Variants in ADAM10 observed in about 807,000 individuals in gnomAD.
ADAM10 encodes the protein disintegrin and metalloproteinase domain-containing protein 10.
ADAM10 carries 17 observed loss-of-function variants against 90.1 expected under a neutral mutation model. The observed-to-expected ratio is 0.19, with a 90% CI of 0.13 to 0.28. ADAM10 has a LOEUF of 0.28. ADAM10 is among the 10% of genes least tolerant of loss of function. The probability of loss-of-function intolerance (pLI) is 1.00; values close to 1 mark genes in which losing one functional copy is unlikely to be tolerated. For synonymous variants in ADAM10, 310 were observed against 298.6 expected, an observed-to-expected ratio of 1.04 and a Z score of -0.40; for missense variants, 610 against 914.3, an observed-to-expected ratio of 0.67 and a Z score of 4.29.
chr15:58,685,998 T>A (rs1410857728), intron 2 of ADAM10, among the ~76,000 whole-genome samples: 1 of 152,106 alleles, frequency 6.6e-6, no homozygotes, highest in African/African-American at 2.4e-5. Flanking sequence ...TTCAGTTACA[T>A]AAATGAAACA....
intron 1 of ADAM10, among the ~76,000 whole-genome samples, chr15:58,744,628 C>A (rs1322335715): frequency 6.6e-6 from 1 of 152,192 alleles, no homozygotes; most frequent in Non-Finnish European, 1.5e-5. Context: ...AAACTTCAAT[C>A]ATGTAAGGTT....
At chr15:58,615,892 C>T (rs1895595471) in intron 11 of ADAM10, among the ~76,000 whole-genome samples, 2 of 152,002 alleles carry the variant, frequency 1.3e-5, no homozygotes, top group Admixed American at 1.3e-4. Flanking sequence ...CCTGTAGTCC[C>T]AGCTACTAGG....
intron 5 of ADAM10, among the ~76,000 whole-genome samples, chr15:58,660,175 T>C (rs1243384852): frequency 6.6e-6 from 1 of 152,084 alleles, no homozygotes; most frequent in Admixed American, 6.6e-5. Context: ...CAATTAGCTA[T>C]TTTCTTTTCT....
At chr15:58,629,475 C>T (rs1896039775) in intron 9 of ADAM10, 1 of 152,172 alleles carries the variant, frequency 6.6e-6, no homozygotes, top group South Asian at 2.1e-4. Context: ...AAAACAAGCA[C>T]ATGAATAAGC....
intron 2 of ADAM10, among the ~76,000 whole-genome samples, chr15:58,686,052 T>C (rs1378548174): frequency 2.0e-5 from 3 of 152,028 alleles, no homozygotes; most frequent in Admixed American, 6.5e-5. Context: ...GGACTATGAT[T>C]TAAGAAAAAA....
intron 2 of ADAM10, among the ~76,000 whole-genome samples, chr15:58,709,457 G>A (rs1221718358): frequency 6.6e-6 from 1 of 152,138 alleles, no homozygotes; most frequent in East Asian, 1.9e-4. Flanking sequence ...CTACACCACT[G>A]GCCAGGCACG....
intron 1 of ADAM10, among the ~76,000 whole-genome samples, chr15:58,726,567 C>CACA (rs1260860939): frequency 9.6e-5 from 2 of 20,774 alleles, no homozygotes; most frequent in African/African-American, 4.5e-4. Context: ...CTCAGTCTCC[C>CACA]AAAAAAAAAA....
intron 2 of ADAM10, among the ~76,000 whole-genome samples, chr15:58,701,244 A>T (rs1352610901): frequency 6.6e-6 from 1 of 151,590 alleles, no homozygotes; most frequent in East Asian, 1.9e-4. Flanking sequence ...TCAATAGTTT[A>T]AAAAAAAATC....
At chr15:58,729,632 C>T (rs1275661497) in intron 1 of ADAM10, among the ~76,000 whole-genome samples, 2 of 152,102 alleles carry the variant, frequency 1.3e-5, no homozygotes, top group Non-Finnish European at 2.9e-5. Context: ...CAAAATGTTC[C>T]AAAATCTAAA....
intron 10 of ADAM10, 58 bp downstream of exon 10, chr15:58,627,642 T>A: frequency 1.3e-6 from 2 of 1,506,366 alleles, no homozygotes; most frequent in Non-Finnish European, 1.8e-6. Context: ...TAGAATTCTT[T>A]CAAGTTGTCT....
chr15:58,730,433 T>A (rs1274183859), intron 1 of ADAM10, among the ~76,000 whole-genome samples: 1 of 152,222 alleles, frequency 6.6e-6, no homozygotes, highest in Admixed American at 6.5e-5. Context: ...AGCGAAGTAT[T>A]ACAAAATGTT....
At chr15:58,610,669 G>A (rs1210717117) in intron 13 of ADAM10, 152 bp from the exon 14 acceptor site, 7 of 766,098 alleles carry the variant, frequency 9.1e-6, no homozygotes, top group Admixed American at 6.2e-5. Context: ...GCTGGGTAAC[G>A]CCATCAGTAA....
chr15:58,670,578 G>A (rs1444990343), intron 4 of ADAM10, among the ~76,000 whole-genome samples: 1 of 152,062 alleles, frequency 6.6e-6, no homozygotes, highest in Admixed American at 6.5e-5. Flanking sequence ...AAAATGTAGA[G>A]CTATGTTTAT....
chr15:58,720,880 T>C (rs1297006145), intron 1 of ADAM10, among the ~76,000 whole-genome samples: 1 of 152,226 alleles, frequency 6.6e-6, no homozygotes, highest in Non-Finnish European at 1.5e-5. Context: ...AAATTTCCAC[T>C]GGATTACTGA....
At chr15:58,694,006 A>C (rs1273830774) in intron 2 of ADAM10, among the ~76,000 whole-genome samples, 1 of 152,236 alleles carries the variant, frequency 6.6e-6, no homozygotes, top group Non-Finnish European at 1.5e-5. Flanking sequence ...TCAGAACTAG[A>C]ATAATATATT....
Position 58,596,157 on chromosome 15 carries a change from T to C in ADAM10, c.*1390A>G, listed in dbSNP as rs1894946272. The C allele has an allele frequency of 6.6e-6, 1 of 151,896 alleles. No individual in the cohort carries two copies. Among genetic ancestry groups the C allele is most frequent in the Non-Finnish European group, 1.5e-5 (1 of 67,938 alleles). The allele number at this position is 151,896 out of a possible 1,614,324, so 9.4% of individuals were successfully genotyped here. A position where few individuals can be genotyped will look rare whatever the true frequency, so the allele number is the denominator to read the frequency against. ...CAACTTTCTCTAAATTTGCCTCCTA[T>C]GTGAAGTCAGGAAAATCATAGCTTT... On this transcript the variant is annotated 3_prime_UTR_variant, in exon 16 of 16. Transcript: ENST00000260408.
chr15:58,655,515 T>C (rs1896785549), intron 5 of ADAM10: 1 of 150,762 alleles, frequency 6.6e-6, no homozygotes, highest in East Asian at 2.0e-4. Flanking sequence ...GCCCCCATGA[T>C]CCAAACAACT....
At chr15:58,601,258 T>G (rs1353362015) in intron 14 of ADAM10, among the ~76,000 whole-genome samples, 1 of 152,076 alleles carries the variant, frequency 6.6e-6, no homozygotes, top group Non-Finnish European at 1.5e-5. Context: ...GGTCAGGAGT[T>G]CGAGACTAGC....
At chr15:58,683,274 G>T (rs926786597) in intron 2 of ADAM10, among the ~76,000 whole-genome samples, 1 of 151,852 alleles carries the variant, frequency 6.6e-6, no homozygotes, top group Non-Finnish European at 1.5e-5. Context: ...AAAGTATTAC[G>T]TCTTTTTTTT....
Sources: gnomAD v4.1 joint callset for allele counts (sites outside exome capture counted in the v4.1 genomes callset) on GRCh38, gnomAD v4.1.1 for gene constraint, MANE v1.5 for transcripts, NCBI Gene and HGNC (gene_info 2026-07-23, HGNC 2026-07-21) for gene names.